The following LRMDA variants were observed in gnomAD, a reference collection of about 807,000 sequenced individuals.
The protein encoded by LRMDA is leucine rich melanocyte differentiation associated.
In LRMDA, 18 loss-of-function variants were observed where a neutral mutation model predicts 29.8. The ratio of observed to expected loss-of-function variants is 0.60; its 90% CI spans 0.42 to 0.90. The LOEUF (loss-of-function observed/expected upper bound fraction) is 0.90, where lower values mean the gene tolerates loss of function less well. Among genes scored for constraint, LRMDA ranks in the 40% least tolerant of loss-of-function variants. LRMDA has a pLI of 0.00. For synonymous variants in LRMDA, 125 were observed against 109.4 expected (o/e 1.14, Z -0.89); for missense variants, 273 against 273.9 (o/e 1.00, Z 0.02).
rs545114984 is a variant in LRMDA, at chr10:76,527,182, A to T, written c.602-30027A>T. ...TGATGTCATAGTGAAGGATGATTTC[A>T]TAGTGAAGGCCATTCCCAGTTGTTC... is the stretch of plus-strand genomic sequence containing the variant. On this transcript the variant is annotated intron_variant, in intron 6 of 6. Transcript: ENST00000611255. Among the ~76,000 whole-genome samples, 10 of 152,028 alleles carry T rather than the reference A, an allele frequency of 6.6e-5. No individual in the cohort carries two copies. In the South Asian group the frequency reaches 2.1e-3, roughly 32 times the overall value.
intron 2 of LRMDA, chr10:75,743,636 C>T (rs1488273012): frequency 1.3e-5 from 2 of 152,172 alleles, no homozygotes; most frequent in Admixed American, 6.5e-5. Flanking sequence ...TTTTTCTCCT[C>T]TCTCTTTCAT....
chr10:75,736,236 A>T lies in LRMDA; in HGVS notation c.131+297742A>T, dbSNP rs566369450. On this transcript the variant is annotated intron_variant, in intron 2 of 6. Coordinates refer to ENST00000611255, the MANE Select transcript of LRMDA (RefSeq NM_001305581.2). ...CTTTAATTTATGTTGTGCTTTGGAC[A>T]TTTTTCAGAAACTATTTACCCATTA... Among the ~76,000 whole-genome samples, 7 of 152,332 alleles carry T rather than the reference A, an allele frequency of 4.6e-5. No individual in the cohort carries two copies. The South Asian group carries it at 6.2e-4, about 14-fold the overall frequency.
At chr10:75,557,818 A>C (rs1222893546) in intron 2 of LRMDA, among the ~76,000 whole-genome samples, 1 of 152,130 alleles carries the variant, frequency 6.6e-6, no homozygotes, top group Non-Finnish European at 1.5e-5. Context: ...TAATGTATAC[A>C]GCTGTATGTC....
At chr10:75,505,032 C>T (rs1194683918) in intron 2 of LRMDA, among the ~76,000 whole-genome samples, 2 of 152,048 alleles carry the variant, frequency 1.3e-5, no homozygotes. Context: ...ATCAGAAGAA[C>T]TAGGTGAGAG....
intron 2 of LRMDA, among the ~76,000 whole-genome samples, chr10:75,579,167 AC>A (rs1243426240): frequency 1.3e-5 from 2 of 152,206 alleles, no homozygotes; most frequent in Non-Finnish European, 2.9e-5. Context: ...AAATAGATAG[AC>A]CACTAGCTAG....
At chr10:75,877,969 G>T (rs1017983757) in intron 2 of LRMDA, among the ~76,000 whole-genome samples, 1 of 152,166 alleles carries the variant, frequency 6.6e-6, no homozygotes, top group Non-Finnish European at 1.5e-5. Flanking sequence ...GGTGTGGCTC[G>T]CTTCTTTGAT....
intron 2 of LRMDA, among the ~76,000 whole-genome samples, chr10:75,786,843 A>G (rs1199716769): frequency 6.6e-6 from 1 of 152,220 alleles, no homozygotes; most frequent in African/African-American, 2.4e-5. Context: ...TAGCACACAC[A>G]CTACTTTTGG....
intron 2 of LRMDA, among the ~76,000 whole-genome samples, chr10:75,619,973 C>T (rs1342419117): frequency 6.6e-6 from 1 of 152,166 alleles, no homozygotes; most frequent in Non-Finnish European, 1.5e-5. Flanking sequence ...ATGCTTGGTC[C>T]TAAAAGCATT....
intron 6 of LRMDA, among the ~76,000 whole-genome samples, chr10:76,502,664 T>C (rs977728668): frequency 6.6e-6 from 1 of 152,000 alleles, no homozygotes; most frequent in Non-Finnish European, 1.5e-5. Flanking sequence ...AGCCTGGACA[T>C]TGTTGGTTTA....
intron 2 of LRMDA, among the ~76,000 whole-genome samples, chr10:76,016,305 T>C (rs1387673415): frequency 6.6e-6 from 1 of 152,174 alleles, no homozygotes; most frequent in African/African-American, 2.4e-5. Context: ...AAAAAAGGTA[T>C]ATTACTCATT....
chr10:75,885,052 G>A (rs921951724), intron 2 of LRMDA, among the ~76,000 whole-genome samples: 1 of 152,076 alleles, frequency 6.6e-6, no homozygotes, highest in Non-Finnish European at 1.5e-5. Context: ...GAGGACAGCA[G>A]TTCAGGAGGC....
intron 5 of LRMDA, among the ~76,000 whole-genome samples, chr10:76,113,459 AAAG>A (rs1356701881): frequency 1.3e-5 from 2 of 152,078 alleles, no homozygotes; most frequent in East Asian, 1.9e-4. Context: ...GAGTGAGAGG[AAAG>A]AAGATGAGGG....
intron 5 of LRMDA, among the ~76,000 whole-genome samples, chr10:76,147,077 T>G (rs1432974898): frequency 6.6e-6 from 1 of 152,232 alleles, no homozygotes; most frequent in African/African-American, 2.4e-5. Context: ...TGGGCTTCCC[T>G]TTGTGGGTAA....
intron 2 of LRMDA, among the ~76,000 whole-genome samples, chr10:75,728,336 C>T (rs969465365): frequency 1.3e-5 from 2 of 151,962 alleles, no homozygotes; most frequent in Non-Finnish European, 1.5e-5. Context: ...AGGGATTGTA[C>T]ATAAAACCTT....
intron 6 of LRMDA, among the ~76,000 whole-genome samples, chr10:76,355,226 A>C (rs542618501): frequency 2.0e-5 from 3 of 152,276 alleles, no homozygotes; most frequent in African/African-American, 7.2e-5. Context: ...AAGTGACTAG[A>C]ATCGGGAATA....
chr10:76,310,617 C>T (rs889987817), intron 5 of LRMDA, among the ~76,000 whole-genome samples: 6 of 152,154 alleles, frequency 3.9e-5, no homozygotes, highest in Non-Finnish European at 8.8e-5. Flanking sequence ...TTTCCCCTCA[C>T]AGCTGTCACA....
intron 5 of LRMDA, among the ~76,000 whole-genome samples, chr10:76,148,237 C>T (rs1850367659): frequency 6.6e-6 from 1 of 152,190 alleles, no homozygotes; most frequent in African/African-American, 2.4e-5. Flanking sequence ...TTTAAGTCTG[C>T]AGAGGTTACT....
intron 2 of LRMDA, among the ~76,000 whole-genome samples, chr10:75,503,172 A>T (rs1055017981): frequency 6.6e-6 from 1 of 151,704 alleles, no homozygotes; most frequent in Non-Finnish European, 1.5e-5. Flanking sequence ...GCCCACTGTT[A>T]GTTGATAGCC....
chr10:76,381,358 G>C (rs922258985), intron 6 of LRMDA, among the ~76,000 whole-genome samples: 22 of 151,918 alleles, frequency 1.4e-4, no homozygotes, highest in African/African-American at 5.3e-4. Flanking sequence ...GGTGCTAATT[G>C]AAAAAAGGAG....
Sources: gnomAD v4.1 joint callset for allele counts (sites outside exome capture counted in the v4.1 genomes callset) on GRCh38, gnomAD v4.1.1 for gene constraint, MANE v1.5 for transcripts, NCBI Gene and HGNC (gene_info 2026-07-23, HGNC 2026-07-21) for gene names.